SH3RF3: variants seen among roughly 807,000 people sequenced by gnomAD.
The protein encoded by SH3RF3 is E3 ubiquitin-protein ligase SH3RF3.
Under a neutral mutation model 66.3 loss-of-function variants are expected in SH3RF3, and 29 were observed. The observed-to-expected ratio is 0.44, with a 90% CI of 0.33 to 0.60. The LOEUF (loss-of-function observed/expected upper bound fraction) is 0.60. Ranked by LOEUF, SH3RF3 falls within the 20% of genes least tolerant of loss-of-function variation. SH3RF3 has a pLI of 0.04. For missense variants in SH3RF3, 1,194 were observed against 1,190.9 expected (o/e 1.00, Z -0.04); for synonymous variants, 583 against 532.0 (o/e 1.10, Z -1.32).
chr2:109,490,579 G>T, intron 8 of SH3RF3, 26 bp from the exon 9 acceptor site: 1 of 1,407,376 alleles, frequency 7.1e-7, no homozygotes, highest in Non-Finnish European at 9.3e-7. Flanking sequence ...TCACCTGTTT[G>T]GTTTCCATCT....
intron 3 of SH3RF3, among the ~76,000 whole-genome samples, chr2:109,378,431 C>T (rs765064577): frequency 2.0e-5 from 3 of 152,202 alleles, no homozygotes; most frequent in Admixed American, 6.5e-5. Context: ...TGGAACACCT[C>T]CGACTCTTAA....
chr2:109,135,497 A>G (rs1676795102), intron 1 of SH3RF3, among the ~76,000 whole-genome samples: 1 of 152,230 alleles, frequency 6.6e-6, no homozygotes, highest in African/African-American at 2.4e-5. Context: ...AGTGCCTGGC[A>G]CACGTGATTG....
chr2:109,304,203 C>T (rs531931922), intron 1 of SH3RF3, among the ~76,000 whole-genome samples: 3 of 152,286 alleles, frequency 2.0e-5, no homozygotes, highest in South Asian at 4.1e-4. Flanking sequence ...CCAGAACTTA[C>T]TCATCTTGCA....
At chr2:109,419,945 G>C (rs749769997) in intron 5 of SH3RF3, among the ~76,000 whole-genome samples, 1 of 152,216 alleles carries the variant, frequency 6.6e-6, no homozygotes, top group Non-Finnish European at 1.5e-5. Flanking sequence ...GCTCTCCATA[G>C]CATGGAAGGT....
At chr2:109,304,064 G>A (rs1681536966) in intron 1 of SH3RF3, among the ~76,000 whole-genome samples, 1 of 151,084 alleles carries the variant, frequency 6.6e-6, no homozygotes, top group Non-Finnish European at 1.5e-5. Context: ...TCGCGCCATT[G>A]CACTCCAGCC....
intron 1 of SH3RF3, among the ~76,000 whole-genome samples, chr2:109,292,347 A>G (rs541651083): frequency 6.6e-6 from 1 of 152,216 alleles, no homozygotes; most frequent in African/African-American, 2.4e-5. Context: ...TTGTTTTTCA[A>G]ACATGGCTGG....
chr2:109,408,026 GAAAGA>G (rs1676492334), intron 4 of SH3RF3, among the ~76,000 whole-genome samples: 3 of 152,166 alleles, frequency 2.0e-5, no homozygotes, highest in South Asian at 4.2e-4. Context: ...GCAGAGTCAG[GAAAGA>G]TCCTTGGGTC....
chr2:109,206,893 A>G (rs1232606030), intron 1 of SH3RF3, among the ~76,000 whole-genome samples: 1 of 152,224 alleles, frequency 6.6e-6, no homozygotes, highest in East Asian at 1.9e-4. Context: ...CCTTCTGCCC[A>G]GTCATGGGCC....
intron 4 of SH3RF3, among the ~76,000 whole-genome samples, chr2:109,407,874 G>A (rs1397071623): frequency 6.6e-6 from 1 of 152,222 alleles, no homozygotes; most frequent in African/African-American, 2.4e-5. Context: ...GTGGCTGCCT[G>A]TGACCTGGCG....
chr2:109,314,269 A>G (rs1327011735), intron 1 of SH3RF3, among the ~76,000 whole-genome samples: 2 of 152,214 alleles, frequency 1.3e-5, no homozygotes, highest in African/African-American at 4.8e-5. Flanking sequence ...GGCTTGGCAT[A>G]TGTTTTAGGA....
In SH3RF3 at chr2:109,264,465, C is replaced by G. The variant is rs369850671; in HGVS notation, c.574-83209C>G. ...TCTGTGTGTGCTCCCCATCTACCTCCCTATATGTCCTGCTGGGCTTCTTAC... is the reference window on the plus strand; with the variant it reads ...TCTGTGTGTGCTCCCCATCTACCTCGCTATATGTCCTGCTGGGCTTCTTAC... On this transcript the variant is annotated intron_variant, in intron 1 of 9. Coordinates refer to ENST00000309415, the MANE Select transcript of SH3RF3 (RefSeq NM_001099289.3). Among the ~76,000 whole-genome samples the G allele has an allele frequency of 2.0e-5, 3 of 152,416 alleles. No individual in the cohort carries two copies. In the East Asian group the frequency reaches 5.8e-4, roughly 29 times the overall value.
chr2:109,389,031 C>T (rs1675908359), intron 3 of SH3RF3, among the ~76,000 whole-genome samples: 1 of 152,194 alleles, frequency 6.6e-6, no homozygotes, highest in Non-Finnish European at 1.5e-5. Context: ...CACCAGGAGC[C>T]CATCACATGC....
chr2:109,295,298 C>T (rs1183243248), intron 1 of SH3RF3, among the ~76,000 whole-genome samples: 2 of 152,190 alleles, frequency 1.3e-5, no homozygotes, highest in Non-Finnish European at 2.9e-5. Flanking sequence ...TTGTCATCCC[C>T]AATTTGTAGA....
intron 1 of SH3RF3, among the ~76,000 whole-genome samples, chr2:109,177,092 T>G (rs1049166062): frequency 6.6e-6 from 1 of 152,140 alleles, no homozygotes; most frequent in African/African-American, 2.4e-5. Flanking sequence ...GACAATAAGC[T>G]CTGTTTACTG....
At chr2:109,398,069 T>A (rs558593120) in intron 3 of SH3RF3, among the ~76,000 whole-genome samples, 4 of 152,238 alleles carry the variant, frequency 2.6e-5, no homozygotes, top group African/African-American at 9.6e-5. Context: ...CTGTGGTTTA[T>A]GCTGACCAGA....
intron 9 of SH3RF3, among the ~76,000 whole-genome samples, chr2:109,499,043 G>A (rs535369280): frequency 2.8e-4 from 43 of 152,288 alleles, no homozygotes; most frequent in Admixed American, 1.7e-3. Context: ...GGGGACTGCT[G>A]GAGCCCTCTG....
chr2:109,458,572 C>CAGAGAGAGAGAG (rs70958708), intron 8 of SH3RF3, among the ~76,000 whole-genome samples: 2,212 of 123,014 alleles, frequency 0.018, 130 homozygotes, highest in African/African-American at 0.052. Flanking sequence ...CAGCAGGAGA[C>CAGAGAGAGAGAG]AGAGAGAGAG....
At chr2:109,422,046 G>A (rs904081215) in intron 5 of SH3RF3, among the ~76,000 whole-genome samples, 2 of 152,190 alleles carry the variant, frequency 1.3e-5, no homozygotes, top group Non-Finnish European at 2.9e-5. Context: ...TTAACTCTAA[G>A]AAGCTAGTAT....
At position 109,129,439 on chromosome 2, in the gene SH3RF3, C is replaced by A; in HGVS notation, c.-102C>A. ...CCAGCCGGGGTGAAGAAAGTCACGG[C>A]GGAGCCCGGCTCCCCAGTCCTGATG... On this transcript the variant is annotated 5_prime_UTR_variant, in exon 1 of 10. Coordinates refer to ENST00000309415, the MANE Select transcript of SH3RF3 (RefSeq NM_001099289.3). 1 of 1,484,846 alleles carries A rather than the reference C, an allele frequency of 6.7e-7. No individual in the cohort carries two copies. The allele number at this position is 1,484,846 out of a possible 1,614,324, so 92.0% of individuals were successfully genotyped here.
Sources: allele counts gnomAD v4.1 joint callset (sites outside exome capture counted in the v4.1 genomes callset), GRCh38; gene constraint gnomAD v4.1.1; transcripts MANE v1.5; gene names NCBI Gene and HGNC (gene_info 2026-07-23, HGNC 2026-07-21).